RIMS2: variants seen among roughly 807,000 people sequenced by gnomAD.
RIMS2 encodes the protein regulating synaptic membrane exocytosis protein 2.
A neutral mutation model predicts 174.4 loss-of-function variants in RIMS2; 59 were observed. The ratio of observed to expected loss-of-function variants is 0.34; its 90% CI spans 0.27 to 0.42. RIMS2 has a LOEUF of 0.42. Among genes scored for constraint, RIMS2 ranks in the 10% least tolerant of loss-of-function variants. The pLI is 1.00. For synonymous variants in RIMS2, 606 were observed against 572.5 expected, an observed-to-expected ratio of 1.06 and a Z score of -0.84; for missense variants, 1,620 against 1,666.3, an observed-to-expected ratio of 0.97 and a Z score of 0.48.
intron 19 of RIMS2, among the ~76,000 whole-genome samples, chr8:104,240,680 A>G (rs768970952): frequency 5.3e-5 from 8 of 152,178 alleles, no homozygotes; most frequent in Non-Finnish European, 1.2e-4. Context: ...GATATCAGAT[A>G]TCATCTGCCC....
At chr8:103,858,987 G>A (rs1003333109) in intron 3 of RIMS2, among the ~76,000 whole-genome samples, 8 of 151,890 alleles carry the variant, frequency 5.3e-5, no homozygotes, top group African/African-American at 1.9e-4. Context: ...AGATAATTAA[G>A]GTTCGAATTA....
At chr8:103,738,093 G>T (rs578102126) in intron 2 of RIMS2, among the ~76,000 whole-genome samples, 41 of 152,204 alleles carry the variant, frequency 2.7e-4, no homozygotes, top group Non-Finnish European at 3.8e-4. Context: ...TGTGTTCAAT[G>T]ATTGTTTATT....
intron 3 of RIMS2, among the ~76,000 whole-genome samples, chr8:103,788,956 C>A (rs565967658): frequency 6.6e-6 from 1 of 152,176 alleles, no homozygotes; most frequent in Non-Finnish European, 1.5e-5. Flanking sequence ...GAGCCAGGTG[C>A]GGGATATAAT....
chr8:103,704,339 G>A (rs995659432), intron 2 of RIMS2, among the ~76,000 whole-genome samples: 3 of 151,636 alleles, frequency 2.0e-5, no homozygotes, highest in Non-Finnish European at 4.4e-5. Context: ...TCTTTATAAT[G>A]TTTTATTCAG....
At chr8:103,752,916 T>C (rs1364836592) in intron 2 of RIMS2, among the ~76,000 whole-genome samples, 2 of 152,088 alleles carry the variant, frequency 1.3e-5, no homozygotes, top group Non-Finnish European at 2.9e-5. Flanking sequence ...CCTAATTGAA[T>C]ACCTTTTATT....
chr8:103,957,958 T>A (rs1325071975), intron 14 of RIMS2, among the ~76,000 whole-genome samples: 1 of 151,744 alleles, frequency 6.6e-6, no homozygotes, highest in Non-Finnish European at 1.5e-5. Flanking sequence ...TTGGTGGGAG[T>A]GTAAATTAGT....
Position 104,251,810 on chromosome 8 carries a change from C to G in RIMS2, c.4040C>G (p.Ser1347Cys). ...GAAAGTTCAACTGGACCTTCTTACT[C>G]TCGTTCATAGCAGCTGTAAAAAAAT... Residue 1347 changes from serine (S) to cysteine (C), a missense_variant, in exon 24 of 24, where the codon TCT becomes TGT. Coordinates refer to ENST00000504942, the Ensembl canonical transcript of RIMS2. 6.3e-7 allele frequency: 1 copy of G among 1,591,924 alleles called. No individual in the cohort carries two copies. Among genetic ancestry groups the G allele is most frequent in the Non-Finnish European group, 8.6e-7 (1 of 1,162,000 alleles).
chr8:103,972,317 A>G (rs1029110023), intron 15 of RIMS2, among the ~76,000 whole-genome samples: 2 of 152,024 alleles, frequency 1.3e-5, no homozygotes, highest in South Asian at 2.1e-4. Flanking sequence ...TCTTTCTCTC[A>G]TGTCCCTCAA....
At chr8:103,531,074 G>A (rs1163667128) in intron 1 of RIMS2, among the ~76,000 whole-genome samples, 1 of 151,182 alleles carries the variant, frequency 6.6e-6, no homozygotes, top group Non-Finnish European at 1.5e-5. Context: ...AGTAGATCAA[G>A]CAGATAAAAA....
rs1056187876 is a variant in RIMS2 at position 103,575,210 on chromosome 8, G to A, written c.176+74148G>A. On this transcript the variant is annotated intron_variant, in intron 1 of 23. Transcript: ENST00000504942. The stretch of plus-strand genomic sequence containing the variant: ...TGGAAAGTGCTCAACTTCATTAGTC[G>A]CAGTGGGAATACAGAATAAAACCAC... Among the ~76,000 whole-genome samples, 12 of 152,120 alleles carry A rather than the reference G, an allele frequency of 7.9e-5. No individual in the cohort carries two copies. The East Asian group carries it at 1.3e-3, about 17-fold the overall frequency.
chr8:103,600,587 A>G (rs1438305836), intron 1 of RIMS2, among the ~76,000 whole-genome samples: 3 of 152,122 alleles, frequency 2.0e-5, no homozygotes, highest in African/African-American at 4.8e-5. Flanking sequence ...TTCTTTATCC[A>G]TTCATCTGTT....
chr8:103,623,142 G>A (rs1022049500), intron 1 of RIMS2, among the ~76,000 whole-genome samples: 1 of 152,128 alleles, frequency 6.6e-6, no homozygotes, highest in Non-Finnish European at 1.5e-5. Flanking sequence ...ATGTGATTTT[G>A]CTAGTTTTTA....
At position 104,036,137 on chromosome 8, in the gene RIMS2, A is replaced by T. The variant is rs890009552; in HGVS notation, c.3334+21522A>T. ...TTCAAAATAAAATTTATTTTATTTT[A>T]TTTATTTATTTATTTATTTATTTAT... On this transcript the variant is annotated intron_variant, in intron 19 of 23. Transcript: ENST00000504942. 2.6e-4 allele frequency among the ~76,000 whole-genome samples: 11 copies of T among 42,370 alleles called. No homozygotes were observed. In the South Asian group the frequency reaches 7.9e-3, roughly 30 times the overall value. The allele number at this position is 42,370 out of a possible 152,430, so 27.8% of individuals were successfully genotyped here.
intron 2 of RIMS2, among the ~76,000 whole-genome samples, chr8:103,697,963 A>G (rs1188323563): frequency 7.0e-6 from 1 of 142,312 alleles, no homozygotes; most frequent in African/African-American, 2.6e-5. Context: ...GGCAACAGAG[A>G]CTCTGTCTCA....
chr8:103,641,161 G>T (rs1434088450), intron 1 of RIMS2, among the ~76,000 whole-genome samples: 1 of 151,942 alleles, frequency 6.6e-6, no homozygotes, highest in Admixed American at 6.6e-5. Flanking sequence ...AATTAATGTG[G>T]ATACTCTAGC....
intron 3 of RIMS2, among the ~76,000 whole-genome samples, chr8:103,801,996 G>T (rs1160862820): frequency 6.6e-6 from 1 of 152,026 alleles, no homozygotes; most frequent in Non-Finnish European, 1.5e-5. Context: ...ATATATTTTG[G>T]TATTGATAAT....
chr8:103,833,137 C>G (rs1383198594), intron 3 of RIMS2, among the ~76,000 whole-genome samples: 1 of 152,114 alleles, frequency 6.6e-6, no homozygotes, highest in Non-Finnish European at 1.5e-5. Flanking sequence ...TGTTGACACT[C>G]TTTTTTGTTT....
intron 19 of RIMS2, among the ~76,000 whole-genome samples, chr8:104,047,867 G>C (rs541814646): frequency 6.6e-6 from 1 of 152,166 alleles, no homozygotes; most frequent in Admixed American, 6.5e-5. Flanking sequence ...TGGGTGGAAG[G>C]AGCAAGAGCA....
chr8:104,090,376 T>C (rs1210954522), intron 19 of RIMS2, among the ~76,000 whole-genome samples: 1 of 151,664 alleles, frequency 6.6e-6, no homozygotes, highest in Non-Finnish European at 1.5e-5. Flanking sequence ...CTATGAATCA[T>C]AGCAACAAGA....
Sources: allele counts gnomAD v4.1 joint callset (sites outside exome capture counted in the v4.1 genomes callset), GRCh38; gene constraint gnomAD v4.1.1; transcripts MANE v1.5; gene names NCBI Gene and HGNC (gene_info 2026-07-23, HGNC 2026-07-21).